FBXW8: variants seen among roughly 807,000 people sequenced by gnomAD.
FBXW8 encodes F-box/WD repeat-containing protein 8.
FBXW8 carries 57 observed loss-of-function variants against 65.3 expected under a neutral mutation model. The ratio of observed to expected loss-of-function variants is 0.87; its 90% CI spans 0.71 to 1.09. The LOEUF is 1.09. Ranked by LOEUF, FBXW8 falls within the 50% of genes least tolerant of loss-of-function variation. The pLI, the probability that FBXW8 is intolerant of heterozygous loss-of-function variation, is 0.00. For missense variants in FBXW8, 777 were observed against 814.8 expected (o/e 0.95, Z 0.57); for synonymous variants, 308 against 330.2 (o/e 0.93, Z 0.73).
rs1240489013 is a variant in FBXW8, at chr12:116,961,008, A to G, written c.678-3689A>G. On this transcript the variant is annotated intron_variant, in intron 4 of 10. Coordinates refer to ENST00000652555, the MANE Select transcript of FBXW8 (RefSeq NM_153348.3). The surrounding 1 kb of genome is among the most constrained non-coding windows in gnomAD (Gnocchi z 4.4). ...ATTGAAAACATTGATGCCTGGTTCT[A>G]TCCCCAAATGGTCAGATTTATTTGG... 3.3e-5 allele frequency among the ~76,000 whole-genome samples: 5 copies of G among 152,122 alleles called. No individual in the cohort carries two copies. The highest frequency in any genetic ancestry group is 1.2e-4 in the African/African-American group (5 of 41,418).
At position 116,911,031 on chromosome 12, in the gene FBXW8, G is replaced by A. The variant is rs965158242; in HGVS notation, c.-7G>A. The A allele has an allele frequency of 1.1e-5, 16 of 1,415,448 alleles. No homozygotes were observed. The highest frequency in any genetic ancestry group is 3.0e-5 in the Admixed American group (1 of 33,240). 87.7% of individuals were successfully genotyped at this position (1,415,448 alleles called of 1,614,324 possible). A position where few individuals can be genotyped will look rare whatever the true frequency, so the allele number is the denominator to read the frequency against. On this transcript the variant is annotated 5_prime_UTR_variant, in exon 1 of 11. Coordinates refer to ENST00000652555, the MANE Select transcript of FBXW8 (RefSeq NM_153348.3). ...GAGGAGAACGTGGAGCGCCGGGAGCGGCGAATATGGACGACTACAGCCTGG... is the reference window on the plus strand; with the variant it reads ...GAGGAGAACGTGGAGCGCCGGGAGCAGCGAATATGGACGACTACAGCCTGG...
intron 5 of FBXW8, chr12:116,977,579 T>G (rs971138410): frequency 6.6e-6 from 1 of 152,238 alleles, no homozygotes; most frequent in African/African-American, 2.4e-5. Flanking sequence ...AGTCCACTGA[T>G]TCCCCACTCC....
Position 116,985,520 on chromosome 12 carries a change from C to T in FBXW8, c.1032+118C>T. 3.2e-6 allele frequency: 3 copies of T among 946,384 alleles called. No homozygotes were observed. In the South Asian group the frequency reaches 5.3e-5, roughly 17 times the overall value. 58.6% of individuals were successfully genotyped at this position (946,384 alleles called of 1,614,324 possible). ...ACTCAGAGCTTCCTGCGGGCCTTAC[C>T]TCCATAAGTCTAACTACAGCCTTAC... On this transcript the variant is annotated intron_variant, in intron 6 of 10. Transcript: ENST00000652555.
At chr12:116,915,490 C>T (rs1274623034) in intron 1 of FBXW8, among the ~76,000 whole-genome samples, 1 of 152,054 alleles carries the variant, frequency 6.6e-6, no homozygotes, top group Non-Finnish European at 1.5e-5. Context: ...AGCCAGGTCA[C>T]AGGGCAGCAT....
In FBXW8 at chr12:116,949,686, C is replaced by A. The variant is rs759548178; in HGVS notation, c.657C>A (p.His219Gln). ...CAGTTTTGTGTGATGTGCATTCTCACGATGGTGTGGTCATTGCGGGGTAAG... is the reference window on the plus strand; with the variant it reads ...CAGTTTTGTGTGATGTGCATTCTCAAGATGGTGTGGTCATTGCGGGGTAAG... The part of the protein sequence containing the change: ...PDTVLCDVHS[H>Q]DGVVIAGYTS... The change falls in exon 4 of 11, where the codon CAC becomes CAA. Residue 219 changes from histidine (H) to glutamine (Q), a missense_variant. Transcript: ENST00000652555. 5.6e-6 allele frequency: 9 copies of A among 1,614,168 alleles called. No homozygotes were observed. The highest frequency in any genetic ancestry group is 7.6e-6 in the Non-Finnish European group (9 of 1,180,022).
At chr12:116,919,531 TCA>T (rs1880717404) in intron 1 of FBXW8, among the ~76,000 whole-genome samples, 1 of 152,204 alleles carries the variant, frequency 6.6e-6, no homozygotes, top group African/African-American at 2.4e-5. Context: ...TCGTTAGTAC[TCA>T]GAGTTTGCTA....
At position 116,910,967 on chromosome 12, in the gene FBXW8, T is replaced by C. The variant is rs1352162613; in HGVS notation, c.-71T>C. 1 of 1,279,064 alleles carries C rather than the reference T, an allele frequency of 7.8e-7. No homozygotes were observed. Among genetic ancestry groups the C allele is most frequent in the Non-Finnish European group, 9.9e-7 (1 of 1,010,372 alleles). 79.2% of individuals were successfully genotyped at this position (1,279,064 alleles called of 1,614,324 possible). On this transcript the variant is annotated 5_prime_UTR_variant, in exon 1 of 11. Transcript: ENST00000652555. ...AGCGGCTTCCGGCCGCGGCGGACAC[T>C]TCCCTGGGCGGGACTGTCTCGTGGC... is the stretch of plus-strand genomic sequence containing the variant.
Position 116,964,828 on chromosome 12 carries a change from C to A in FBXW8, c.809C>A (p.Ser270Ter), listed in dbSNP as rs200370746. The change falls in exon 5 of 11, where the codon TCG (serine) becomes TAG (stop). Residue 270 changes from serine (S) to a stop codon, truncating the protein, a stop_gained. Coordinates refer to ENST00000652555, the MANE Select transcript of FBXW8 (RefSeq NM_153348.3). LOFTEE classifies it high-confidence loss of function. The part of the protein sequence containing the change: ...PNVSFVRINS[S>*]LAVAAYEDGF... ...GTCTCCTTTGTGAGGATAAACAGCTCGTTGGCAGTAGCAGCTTATGAGGAT... is the reference window on the plus strand; with the variant it reads ...GTCTCCTTTGTGAGGATAAACAGCTAGTTGGCAGTAGCAGCTTATGAGGAT... 6.2e-7 allele frequency: 1 copy of A among 1,611,274 alleles called. No homozygotes were observed. Among genetic ancestry groups the A allele is most frequent in the East Asian group, 2.2e-5 (1 of 44,832 alleles).
intron 5 of FBXW8, among the ~76,000 whole-genome samples, chr12:116,976,900 G>T (rs1198020010): frequency 1.3e-5 from 2 of 152,100 alleles, no homozygotes; most frequent in Non-Finnish European, 2.9e-5. Context: ...ATTTCAGGGG[G>T]TAATCAAAAA....
chr12:116,931,591 T>C (rs1457184575), intron 2 of FBXW8, among the ~76,000 whole-genome samples: 1 of 152,226 alleles, frequency 6.6e-6, no homozygotes, highest in Non-Finnish European at 1.5e-5. Flanking sequence ...GCTTCCTTGG[T>C]TGAATTTGTT....
At chr12:117,027,192 A>G (rs543882918) in intron 9 of FBXW8, among the ~76,000 whole-genome samples, 1 of 152,234 alleles carries the variant, frequency 6.6e-6, no homozygotes, top group Non-Finnish European at 1.5e-5. Context: ...TTACAAAGTC[A>G]TGCCCAAAGC....
chr12:116,955,305 C>T (rs1048670805), intron 4 of FBXW8, among the ~76,000 whole-genome samples: 2 of 152,212 alleles, frequency 1.3e-5, no homozygotes, highest in African/African-American at 4.8e-5. Context: ...GATAAGTGGA[C>T]GTGCCTTCAA....
rs1179872790 is a variant in FBXW8 at position 117,027,504 on chromosome 12, G to A, written c.1652G>A (p.Arg551Lys). 6 of 1,612,182 alleles carry A rather than the reference G, an allele frequency of 3.7e-6. No homozygotes were observed. The highest frequency in any genetic ancestry group is 5.1e-6 in the Non-Finnish European group (6 of 1,178,228). The part of the protein sequence containing the change: ...ADLDSFTTHR[R>K]HRGLIRAYEF... ...CTGGACAGCTTCACTACTCACAGGA[G>A]GTTAGTGGTGGGGCCGGGCGAGTAA... Residue 551 changes from arginine (R) to lysine (K), a missense_variant and splice_region_variant, in exon 10 of 11, where the codon AGA (arginine) becomes AAA (lysine). Transcript: ENST00000652555.
chr12:117,010,268 G>T, intron 7 of FBXW8, 55 bp from the exon 8 acceptor site: 1 of 1,611,150 alleles, frequency 6.2e-7, no homozygotes, highest in South Asian at 1.1e-5. Flanking sequence ...GAAAGTATTT[G>T]ATGTCGGCCT....
intron 1 of FBXW8, among the ~76,000 whole-genome samples, chr12:116,914,265 CCT>C (rs1463104929): frequency 2.0e-5 from 3 of 151,598 alleles, no homozygotes; most frequent in African/African-American, 7.3e-5. Context: ...ACAGCAAGAC[CCT>C]GTCAAAAGCA....
intron 8 of FBXW8, among the ~76,000 whole-genome samples, chr12:117,010,819 T>C (rs1468664430): frequency 6.6e-6 from 1 of 152,244 alleles, no homozygotes; most frequent in African/African-American, 2.4e-5. Context: ...GGATGAATCA[T>C]GTTCAGCAAA....
chr12:116,949,303 G>T (rs1883120130), intron 3 of FBXW8: 4 of 318,840 alleles, frequency 1.3e-5, no homozygotes, highest in Admixed American at 4.3e-5. Flanking sequence ...ATACATGCCA[G>T]CCTATTGTGG....
chr12:116,962,611 T>G (rs1884055922), intron 4 of FBXW8, among the ~76,000 whole-genome samples: 1 of 152,264 alleles, frequency 6.6e-6, no homozygotes, highest in Non-Finnish European at 1.5e-5. Context: ...CTTCTTTTTC[T>G]GAACGTGCCT....
chr12:116,977,924 T>G (rs1023948186), intron 5 of FBXW8: 2 of 152,306 alleles, frequency 1.3e-5, no homozygotes, highest in Admixed American at 1.3e-4. Context: ...CTTTCTGCTT[T>G]GAATTTGAGA....
Sources: allele counts gnomAD v4.1 joint callset (sites outside exome capture counted in the v4.1 genomes callset), GRCh38; gene constraint gnomAD v4.1.1; non-coding constraint Gnocchi (gnomAD v3.1); transcripts MANE v1.5; gene names NCBI Gene and HGNC (gene_info 2026-07-23, HGNC 2026-07-21).